MIPOL1: variants seen among roughly 807,000 people sequenced by gnomAD.
MIPOL1 encodes the protein mirror-image polydactyly gene 1 protein.
Under a neutral mutation model 60.9 loss-of-function variants are expected in MIPOL1, and 57 were observed. The ratio of observed to expected loss-of-function variants is 0.94; its 90% CI spans 0.76 to 1.17. The LOEUF is 1.17. Ranked by LOEUF, MIPOL1 falls within the 50% of genes most tolerant of loss-of-function variation. MIPOL1 has a pLI of 0.00. For missense variants in MIPOL1, 551 were observed against 511.6 expected, an observed-to-expected ratio of 1.08 and a Z score of -0.74; for synonymous variants, 179 against 168.8, an observed-to-expected ratio of 1.06 and a Z score of -0.47.
At position 37,424,599 on chromosome 14, in the gene MIPOL1, T is replaced by C. The variant is rs562032918; in HGVS notation, c.1031+1650T>C. On this transcript the variant is annotated intron_variant, in intron 11 of 12. Coordinates refer to ENST00000684589, the MANE Select transcript of MIPOL1 (RefSeq NM_001388067.1). ...CTGTTGTTTTAAGCCACACAGTTTG[T>C]GGTACTTTGTTATGGCTGTCCTTGG... Among the ~76,000 whole-genome samples the C allele has an allele frequency of 3.9e-5, 6 of 152,330 alleles. 1 individual carries two copies. In the South Asian group the frequency reaches 1.0e-3, roughly 26 times the overall value.
chr14:37,356,799 C>T (rs1026150962), intron 9 of MIPOL1, among the ~76,000 whole-genome samples: 2 of 152,162 alleles, frequency 1.3e-5, no homozygotes, highest in African/African-American at 2.4e-5. Context: ...TGACCTGCGC[C>T]CACTGTCTGG....
At chr14:37,209,706 G>A (rs754555088) in intron 1 of MIPOL1, among the ~76,000 whole-genome samples, 3 of 151,886 alleles carry the variant, frequency 2.0e-5, no homozygotes, top group Non-Finnish European at 4.4e-5. Context: ...CATGGTTTTC[G>A]TTTATTTGCT....
At chr14:37,233,616 C>G (rs1419108485) in intron 1 of MIPOL1, among the ~76,000 whole-genome samples, 1 of 152,034 alleles carries the variant, frequency 6.6e-6, no homozygotes, top group Non-Finnish European at 1.5e-5. Flanking sequence ...TTAGGAAACA[C>G]AAAGAAGTCA....
chr14:37,287,603 G>A (rs529827960), intron 7 of MIPOL1, among the ~76,000 whole-genome samples: 7 of 152,220 alleles, frequency 4.6e-5, no homozygotes, highest in African/African-American at 1.4e-4. Context: ...TGCTATGTAA[G>A]TATTAACTTG....
intron 11 of MIPOL1, among the ~76,000 whole-genome samples, chr14:37,454,946 T>A (rs909377102): frequency 2.0e-5 from 3 of 152,200 alleles, no homozygotes; most frequent in African/African-American, 7.2e-5. Flanking sequence ...TTTCACTGTT[T>A]GTGATAATAA....
chr14:37,466,046 A>T (rs2094594504), intron 11 of MIPOL1, among the ~76,000 whole-genome samples: 1 of 152,210 alleles, frequency 6.6e-6, no homozygotes, highest in Non-Finnish European at 1.5e-5. Flanking sequence ...GCAAAGCCCA[A>T]CCTGTACTAT....
At chr14:37,252,196 A>G (rs1974227813) in intron 3 of MIPOL1, among the ~76,000 whole-genome samples, 1 of 151,696 alleles carries the variant, frequency 6.6e-6, no homozygotes, top group East Asian at 1.9e-4. Flanking sequence ...ACACACAAGT[A>G]GTTATTTTTA....
intron 9 of MIPOL1, among the ~76,000 whole-genome samples, chr14:37,353,863 G>A (rs908438975): frequency 6.6e-6 from 1 of 151,882 alleles, no homozygotes; most frequent in Non-Finnish European, 1.5e-5. Context: ...ACCAGCTCCT[G>A]GATTCATTAA....
At chr14:37,289,737 C>G (rs57446966) in intron 7 of MIPOL1, among the ~76,000 whole-genome samples, 11,755 of 152,098 alleles carry the variant, frequency 0.077, 1,545 homozygotes, top group African/African-American at 0.27. Flanking sequence ...ATTGATTAAA[C>G]CATTGGCCAT....
chr14:37,450,574 G>A (rs1438745658), intron 11 of MIPOL1, among the ~76,000 whole-genome samples: 1 of 151,916 alleles, frequency 6.6e-6, no homozygotes, highest in African/African-American at 2.4e-5. Context: ...AGGTGTCTAG[G>A]AATGGATCTT....
At chr14:37,350,028 G>A (rs1021089241) in intron 9 of MIPOL1, among the ~76,000 whole-genome samples, 7 of 152,002 alleles carry the variant, frequency 4.6e-5, no homozygotes, top group African/African-American at 1.5e-4. Flanking sequence ...GTAAACATTG[G>A]TGATAAGTAT....
At chr14:37,231,791 C>T (rs1167331983) in intron 1 of MIPOL1, among the ~76,000 whole-genome samples, 1 of 151,964 alleles carries the variant, frequency 6.6e-6, no homozygotes, top group African/African-American at 2.4e-5. Context: ...TGAATAAAAG[C>T]CCTACAGGCC....
At chr14:37,381,542 C>G (rs1278110507) in intron 10 of MIPOL1, among the ~76,000 whole-genome samples, 1 of 150,904 alleles carries the variant, frequency 6.6e-6, no homozygotes, top group Admixed American at 6.6e-5. Context: ...AAAAATGTTT[C>G]CAAAATAGTA....
At chr14:37,285,286 T>A (rs199562328) in intron 6 of MIPOL1, 32 bp from the exon 7 acceptor site, 7 of 1,612,002 alleles carry the variant, frequency 4.3e-6, no homozygotes, top group Middle Eastern at 1.6e-4. Context: ...TTATTTTGTA[T>A]GATTGATTGT....
chr14:37,252,442 C>T (rs1389452359), intron 3 of MIPOL1, among the ~76,000 whole-genome samples: 1 of 151,798 alleles, frequency 6.6e-6, no homozygotes, highest in Non-Finnish European at 1.5e-5. Flanking sequence ...TTGTCTTCTT[C>T]CTTATTTTAG....
intron 1 of MIPOL1, among the ~76,000 whole-genome samples, chr14:37,223,109 C>T (rs777712728): frequency 4.7e-4 from 72 of 152,068 alleles, no homozygotes; most frequent in East Asian, 7.8e-4. Context: ...CTCAGCTTAC[C>T]GCAAACTCCA....
intron 11 of MIPOL1, among the ~76,000 whole-genome samples, chr14:37,450,751 C>G (rs545393716): frequency 6.6e-6 from 1 of 152,210 alleles, no homozygotes; most frequent in Admixed American, 6.5e-5. Context: ...ACTTTCTGGA[C>G]AGATTCTTTC....
chr14:37,204,024 C>T (rs772609715), intron 1 of MIPOL1, among the ~76,000 whole-genome samples: 2 of 151,956 alleles, frequency 1.3e-5, no homozygotes, highest in African/African-American at 2.4e-5. Flanking sequence ...CCACGTGGTC[C>T]GCCCACCTTG....
At chr14:37,488,483 G>A (rs1234873401) in intron 11 of MIPOL1, among the ~76,000 whole-genome samples, 1 of 152,096 alleles carries the variant, frequency 6.6e-6, no homozygotes, top group Non-Finnish European at 1.5e-5. Flanking sequence ...CTAAGAACTT[G>A]CTTTATAAAT....
Sources: gnomAD v4.1 joint callset for allele counts (sites outside exome capture counted in the v4.1 genomes callset) on GRCh38, gnomAD v4.1.1 for gene constraint, MANE v1.5 for transcripts, NCBI Gene and HGNC (gene_info 2026-07-23, HGNC 2026-07-21) for gene names.